The following DAB2IP variants were observed in gnomAD, a reference collection of about 807,000 sequenced individuals.
DAB2IP encodes DAB2 interacting protein.
In DAB2IP, 28 loss-of-function variants were observed where a neutral mutation model predicts 107.2. The ratio of observed to expected loss-of-function variants is 0.26; its 90% CI spans 0.19 to 0.36. DAB2IP has a LOEUF of 0.36. Among genes scored for constraint, DAB2IP ranks in the 10% least tolerant of loss-of-function variants. The pLI is 1.00. For synonymous variants in DAB2IP, 755 were observed against 706.4 expected, an observed-to-expected ratio of 1.07 and a Z score of -1.09; for missense variants, 1,400 against 1,644.7, an observed-to-expected ratio of 0.85 and a Z score of 2.57.
At position 121,748,049 on chromosome 9, in the gene DAB2IP, C is replaced by T. The variant is rs538548446; in HGVS notation, c.363-8964C>T. Among the ~76,000 whole-genome samples, 8 of 152,258 alleles carry T rather than the reference C, an allele frequency of 5.3e-5. No homozygotes were observed. In the East Asian group the frequency reaches 1.3e-3, roughly 26 times the overall value. ...TCCGGAGCTTTGGCCCAAGTCACCC[C>T]AGGCAGCAGTGAGATGTTGCTATTA... On this transcript the variant is annotated intron_variant, in intron 3 of 15. Coordinates refer to ENST00000408936, the Ensembl canonical transcript of DAB2IP.
intron 1 of DAB2IP, among the ~76,000 whole-genome samples, chr9:121,674,389 C>A (rs1338602292): frequency 6.6e-6 from 1 of 152,124 alleles, no homozygotes; most frequent in East Asian, 1.9e-4. Flanking sequence ...CCCAGGTTTC[C>A]CTCCAGTTTC....
intron 1 of DAB2IP, among the ~76,000 whole-genome samples, chr9:121,573,651 G>A (rs1768715): frequency 0.28 from 42,122 of 152,004 alleles, 6,333 homozygotes; most frequent in African/African-American, 0.31. Context: ...CCAAAATGCT[G>A]GGATTAGAGG....
At chr9:121,777,061 C>T (rs1324515407) in intron 14 of DAB2IP, among the ~76,000 whole-genome samples, 1 of 152,164 alleles carries the variant, frequency 6.6e-6, no homozygotes, top group African/African-American at 2.4e-5. Flanking sequence ...ATCTCTGTCT[C>T]TGGCTCTGCC....
chr9:121,627,120 AACACACAC>A (rs55977828), intron 1 of DAB2IP, among the ~76,000 whole-genome samples: 3 of 149,084 alleles, frequency 2.0e-5, no homozygotes, highest in South Asian at 4.4e-4. Context: ...ACCCCTACTC[AACACACAC>A]ACACACACAC....
At position 121,651,869 on chromosome 9, in the gene DAB2IP, C is replaced by T. The variant is rs1236381230; in HGVS notation, c.94C>T (p.Arg32Cys). Residue 32 changes from arginine (R) to cysteine (C), a missense_variant, in exon 1 of 16, where the codon CGC becomes TGC. Coordinates refer to ENST00000408936, the Ensembl canonical transcript of DAB2IP. The surrounding 1 kb of genome is among the most constrained non-coding windows in gnomAD (Gnocchi z 5.1). Reference sequence around the variant, plus strand: ...GCCCCGGCTGCAGCGACAGAGGAGCCGCTCCCGCAGCCGGACCCGGCCTGC... The same window carrying T: ...GCCCCGGCTGCAGCGACAGAGGAGCTGCTCCCGCAGCCGGACCCGGCCTGC... The T allele has an allele frequency of 2.8e-6, 4 of 1,447,166 alleles. No individual in the cohort carries two copies. Among genetic ancestry groups the T allele is most frequent in the Non-Finnish European group, 3.7e-6 (4 of 1,094,914 alleles). 89.6% of individuals were successfully genotyped at this position (1,447,166 alleles called of 1,614,324 possible).
upstream of DAB2IP, among the ~76,000 whole-genome samples, chr9:121,650,989 T>G (rs1219071226): frequency 6.6e-6 from 1 of 152,100 alleles, no homozygotes. Context: ...TGGAGAAAGT[T>G]TTTCAGCCAA....
intron 1 of DAB2IP, among the ~76,000 whole-genome samples, chr9:121,589,110 C>T (rs1830370840): frequency 6.6e-6 from 1 of 152,114 alleles, no homozygotes; most frequent in East Asian, 1.9e-4. Context: ...TTGGCTCTGT[C>T]CCACCCCCGG....
chr9:121,573,114 T>G (rs1829986771), intron 1 of DAB2IP, among the ~76,000 whole-genome samples: 2 of 152,190 alleles, frequency 1.3e-5, no homozygotes, highest in African/African-American at 4.8e-5. Context: ...TTCGCTCTTG[T>G]TGCCCAGGCT....
intron 1 of DAB2IP, among the ~76,000 whole-genome samples, chr9:121,661,014 G>A (rs1370428111): frequency 6.6e-6 from 1 of 152,132 alleles, no homozygotes; most frequent in Admixed American, 6.5e-5. Flanking sequence ...GTGGGAGCTG[G>A]TGGTGGGATA....
chr9:121,578,375 C>T (rs1002878606), intron 1 of DAB2IP, among the ~76,000 whole-genome samples: 3 of 151,948 alleles, frequency 2.0e-5, no homozygotes, highest in African/African-American at 7.3e-5. Flanking sequence ...CCCTCCTCTC[C>T]CCCTAGTGAC....
chr9:121,777,825 C>A (rs1835313418), intron 14 of DAB2IP, among the ~76,000 whole-genome samples: 1 of 151,948 alleles, frequency 6.6e-6, no homozygotes, highest in South Asian at 2.1e-4. Flanking sequence ...TACATTTAGG[C>A]TGTTTATGTA....
At chr9:121,631,045 C>T (rs2243421) in intron 1 of DAB2IP, among the ~76,000 whole-genome samples, 65,982 of 152,076 alleles carry the variant, frequency 0.43, 18,385 homozygotes, top group African/African-American at 0.77. Context: ...TGGGGGCTAC[C>T]CCATGCTGAC....
chr9:121,572,474 C>A lies in DAB2IP; in HGVS notation c.40+5246C>A, dbSNP rs76918325. 8.1e-3 allele frequency among the ~76,000 whole-genome samples: 1,237 copies of A among 152,278 alleles called. 28 individuals carry two copies. Among genetic ancestry groups the A allele is most frequent in the African/African-American group, 0.029 (1,184 of 41,502 alleles). The stretch of plus-strand genomic sequence containing the variant: ...AATGAGTGGCATGAGCTGGATCCTG[C>A]CCTTAACTTGCTCCGCATCCTTAGG... On this transcript the variant is annotated intron_variant, in intron 1 of 16. Coordinates refer to the DAB2IP transcript ENST00000259371.
At chr9:121,615,631 CT>C (rs10710830) in intron 1 of DAB2IP, among the ~76,000 whole-genome samples, 127,765 of 139,392 alleles carry the variant, frequency 0.92, 59,277 homozygotes, top group East Asian at 0.99. Context: ...AACTTTCTTT[CT>C]TTTTTTTTTT....
intron 3 of DAB2IP, among the ~76,000 whole-genome samples, chr9:121,749,046 A>G (rs1832915298): frequency 6.6e-6 from 1 of 152,220 alleles, no homozygotes. Context: ...AAGACTTCCC[A>G]GGCAGGGCAG....
intron 1 of DAB2IP, among the ~76,000 whole-genome samples, chr9:121,631,813 TAAAAAAAAAAAAAAA>T (rs752400251): frequency 5.1e-5 from 3 of 58,896 alleles, no homozygotes; most frequent in Non-Finnish European, 3.1e-5. Flanking sequence ...AGACTCCGTC[TAAAAAAAAAAAAAAA>T]AAAAAAAAAA....
chr9:121,763,378 G>A, intron 6 of DAB2IP, 127 bp from the exon 7 acceptor site: 1 of 1,345,026 alleles, frequency 7.4e-7, no homozygotes. Flanking sequence ...TTCCTCTCCG[G>A]GACCCCCGCA....
In DAB2IP at chr9:121,627,225, C is replaced by T. The variant is rs1368555727; in HGVS notation, c.41-51453C>T. ...ATCATCCCACATATCCTGAAGTATC[C>T]GATGCATCTTCACCTCGAAGTCCAC... On this transcript the variant is annotated intron_variant, in intron 1 of 16. Coordinates refer to the DAB2IP transcript ENST00000259371. Among the ~76,000 whole-genome samples, 5 of 151,886 alleles carry T rather than the reference C, an allele frequency of 3.3e-5. No individual in the cohort carries two copies. In the South Asian group the frequency reaches 6.3e-4, roughly 19 times the overall value.
exon 16 of DAB2IP, chr9:121,784,370 C>T (rs958641250): frequency 6.5e-6 from 1 of 153,148 alleles, no homozygotes; most frequent in African/African-American, 2.4e-5. Flanking sequence ...TCCCCAGCCC[C>T]CTCCCACCGC....
Sources: gnomAD v4.1 joint callset for allele counts (sites outside exome capture counted in the v4.1 genomes callset) on GRCh38, gnomAD v4.1.1 for gene constraint, Gnocchi (gnomAD v3.1) non-coding constraint, MANE v1.5 for transcripts, NCBI Gene and HGNC (gene_info 2026-07-23, HGNC 2026-07-21) for gene names.